The following ZDHHC21 variants were observed in gnomAD, a reference collection of about 807,000 sequenced individuals.
The protein encoded by ZDHHC21 is palmitoyltransferase ZDHHC21.
ZDHHC21 carries 15 observed loss-of-function variants against 34.6 expected under a neutral mutation model. The ratio of observed to expected loss-of-function variants is 0.43; its 90% CI spans 0.29 to 0.67. ZDHHC21 has a LOEUF of 0.67. Ranked by LOEUF, ZDHHC21 falls within the 30% of genes least tolerant of loss-of-function variation. The pLI is 0.14. For missense variants in ZDHHC21, 344 were observed against 327.7 expected (o/e 1.05, Z -0.38); for synonymous variants, 142 against 101.8 (o/e 1.40, Z -2.38).
chr9:14,667,737 C>T (rs1834732127), intron 5 of ZDHHC21, among the ~76,000 whole-genome samples: 1 of 74,044 alleles, frequency 1.4e-5, no homozygotes, highest in Admixed American at 1.6e-4. Flanking sequence ...TAAACAGAAC[C>T]AAAGACAAAA....
At chr9:14,675,015 T>C (rs541800412) in intron 3 of ZDHHC21, among the ~76,000 whole-genome samples, 1 of 152,084 alleles carries the variant, frequency 6.6e-6, no homozygotes, top group East Asian at 1.9e-4. Flanking sequence ...TTTAAGTATT[T>C]TGAAAAATGA....
chr9:14,618,951 C>A lies in ZDHHC21; in HGVS notation c.*15G>T. On this transcript the variant is annotated 3_prime_UTR_variant, in exon 10 of 10. Transcript: ENST00000380916. ...GCCAGCATGGAGGACCCATCTGTGCCCACCATCCATCTGTTTAGACATGAT... is the reference window on the plus strand; with the variant it reads ...GCCAGCATGGAGGACCCATCTGTGCACACCATCCATCTGTTTAGACATGAT... 1 of 1,582,658 alleles carries A rather than the reference C, an allele frequency of 6.3e-7. No individual in the cohort carries two copies. Among genetic ancestry groups the A allele is most frequent in the East Asian group, 2.3e-5 (1 of 43,368 alleles).
intron 3 of ZDHHC21, among the ~76,000 whole-genome samples, chr9:14,679,349 T>C (rs1311109422): frequency 4.6e-5 from 7 of 152,208 alleles, no homozygotes; most frequent in African/African-American, 1.4e-4. Context: ...ATTCCGATGT[T>C]AAACAAAATT....
chr9:14,657,423 T>C (rs1325839174), intron 7 of ZDHHC21, among the ~76,000 whole-genome samples: 1 of 152,140 alleles, frequency 6.6e-6, no homozygotes, highest in African/African-American at 2.4e-5. Context: ...TCAAAACTTA[T>C]GCATGTAATA....
intron 8 of ZDHHC21, among the ~76,000 whole-genome samples, chr9:14,632,041 T>G (rs1240821245): frequency 6.1e-5 from 9 of 147,030 alleles, no homozygotes; most frequent in Non-Finnish European, 1.3e-4. Context: ...GCCACAAACC[T>G]TCAACTAGTT....
chr9:14,677,212 A>G (rs1836570516), intron 3 of ZDHHC21, among the ~76,000 whole-genome samples: 1 of 152,170 alleles, frequency 6.6e-6, no homozygotes, highest in Middle Eastern at 3.4e-3. Context: ...TCTCTAAAAG[A>G]GCAAGCATCC....
chr9:14,641,472 T>C (rs998610936), intron 7 of ZDHHC21, among the ~76,000 whole-genome samples: 3 of 152,122 alleles, frequency 2.0e-5, no homozygotes, highest in Non-Finnish European at 2.9e-5. Context: ...ATTAAACAAG[T>C]TTGACCATGG....
At chr9:14,667,920 AT>A (rs1298332296) in intron 5 of ZDHHC21, among the ~76,000 whole-genome samples, 1 of 7,680 alleles carries the variant, frequency 1.3e-4, no homozygotes, top group African/African-American at 4.4e-4. Context: ...AACTGGAAGC[AT>A]TCCCTTTGAA....
At chr9:14,680,649 TGTAAA>T (rs910884098) in intron 2 of ZDHHC21, among the ~76,000 whole-genome samples, 82 of 152,276 alleles carry the variant, frequency 5.4e-4, no homozygotes, top group African/African-American at 1.9e-3. Context: ...AAAAACATAC[TGTAAA>T]GTACTGTATA....
chr9:14,601,208 C>A, the ZDHHC21 span, among the ~76,000 whole-genome samples: 5,496 of 152,224 alleles, frequency 0.036, 142 homozygotes, highest in South Asian at 0.092. Context: ...TCAGGGTGAA[C>A]AGGCAACCTA....
chr9:14,595,787 C>T, the ZDHHC21 span, among the ~76,000 whole-genome samples: 5 of 152,120 alleles, frequency 3.3e-5, no homozygotes, highest in Non-Finnish European at 5.9e-5. Flanking sequence ...AAAAAGAAGA[C>T]ATCTCCAAAA....
intron 8 of ZDHHC21, among the ~76,000 whole-genome samples, chr9:14,634,455 G>C (rs1827919833): frequency 6.6e-6 from 1 of 152,142 alleles, no homozygotes; most frequent in African/African-American, 2.4e-5. Context: ...CCCACGGACA[G>C]GCCCACTTGC....
chr9:14,660,158 G>A (rs1308437728), intron 6 of ZDHHC21, among the ~76,000 whole-genome samples: 1 of 152,034 alleles, frequency 6.6e-6, no homozygotes, highest in East Asian at 1.9e-4. Flanking sequence ...CTGAGGTTGG[G>A]AGTTTGAGAC....
At chr9:14,667,248 A>G (rs1274680981) in intron 5 of ZDHHC21, among the ~76,000 whole-genome samples, 1 of 148,500 alleles carries the variant, frequency 6.7e-6, no homozygotes, top group Non-Finnish European at 1.5e-5. Context: ...TAGAAAATCT[A>G]GAAGAAATGG....
At chr9:14,595,977 G>A in the ZDHHC21 span, among the ~76,000 whole-genome samples, 1 of 152,142 alleles carries the variant, frequency 6.6e-6, no homozygotes, top group Non-Finnish European at 1.5e-5. Context: ...ATTGCTGGTG[G>A]GAGTGTAAAA....
intron 5 of ZDHHC21, among the ~76,000 whole-genome samples, chr9:14,663,139 A>G (rs778667491): frequency 6.6e-5 from 10 of 152,200 alleles, no homozygotes; most frequent in Non-Finnish European, 1.5e-4. Flanking sequence ...TAGGTCCGCG[A>G]AAACTATGGA....
In ZDHHC21 at chr9:14,618,932, A is replaced by G. The variant is rs13284437; in HGVS notation, c.*34T>C. 6,859 of 1,550,246 alleles carry G rather than the reference A, an allele frequency of 4.4e-3. 18 individuals carry two copies. Among genetic ancestry groups the G allele is most frequent in the Non-Finnish European group, 5.3e-3 (6,075 of 1,147,518 alleles). ...ATAAAACCTGTAACGCATTGCCAGC[A>G]TGGAGGACCCATCTGTGCCCACCAT... On this transcript the variant is annotated 3_prime_UTR_variant, in exon 10 of 10. Transcript: ENST00000380916.
At chr9:14,681,823 C>G (rs779185665) in intron 2 of ZDHHC21, among the ~76,000 whole-genome samples, 8 of 151,914 alleles carry the variant, frequency 5.3e-5, no homozygotes, top group Non-Finnish European at 1.0e-4. Context: ...CGAAGCCCAT[C>G]AGACTAACAG....
In ZDHHC21 at chr9:14,674,351, T is replaced by C; in HGVS notation, c.-11A>G. ...AATCCGGAGACCCATTTTGCAATCTTATAACTGCCTGCTAACCCACAAGGA... is the reference window on the plus strand; with the variant it reads ...AATCCGGAGACCCATTTTGCAATCTCATAACTGCCTGCTAACCCACAAGGA... On this transcript the variant is annotated 5_prime_UTR_variant, in exon 4 of 10. It adds an upstream start codon to the 5' untranslated region. Transcript: ENST00000380916. 1 of 1,585,508 alleles carries C rather than the reference T, an allele frequency of 6.3e-7. No individual in the cohort carries two copies. The highest frequency in any genetic ancestry group is 8.6e-7 in the Non-Finnish European group (1 of 1,169,056).
Sources: gnomAD v4.1 joint callset for allele counts (sites outside exome capture counted in the v4.1 genomes callset) on GRCh38, gnomAD v4.1.1 for gene constraint, MANE v1.5 for transcripts, NCBI Gene and HGNC (gene_info 2026-07-23, HGNC 2026-07-21) for gene names.